The following TUSC3 variants were observed in gnomAD, a reference collection of about 807,000 sequenced individuals.
TUSC3 encodes the protein dolichyl-diphosphooligosaccharide--protein glycosyltransferase subunit TUSC3.
In TUSC3, 45 loss-of-function variants were observed where a neutral mutation model predicts 44.8. The observed-to-expected ratio is 1.00, with a 90% CI of 0.79 to 1.29. The LOEUF is 1.29. Ranked by LOEUF, TUSC3 falls within the 50% of genes most tolerant of loss-of-function variation. The probability of loss-of-function intolerance (pLI) is 0.00; values close to 1 mark genes in which losing one functional copy is unlikely to be tolerated. For missense variants in TUSC3, 519 were observed against 437.9 expected (o/e 1.19, Z -1.65); for synonymous variants, 212 against 152.9 (o/e 1.39, Z -2.85).
chr8:15,720,392 C>T (rs1425430663), intron 6 of TUSC3, among the ~76,000 whole-genome samples: 1 of 152,006 alleles, frequency 6.6e-6, no homozygotes, highest in South Asian at 2.1e-4. Context: ...ACCAGTAACA[C>T]TCATTATTAG....
At chr8:15,448,226 C>G (rs1800137239) in intron 1 of TUSC3, among the ~76,000 whole-genome samples, 1 of 151,334 alleles carries the variant, frequency 6.6e-6, no homozygotes, top group Non-Finnish European at 1.5e-5. Flanking sequence ...TCAAGCAATT[C>G]TCATGCCTCA....
intron 1 of TUSC3, among the ~76,000 whole-genome samples, chr8:15,423,868 A>G (rs750130613): frequency 1.3e-5 from 2 of 150,506 alleles, no homozygotes; most frequent in Non-Finnish European, 2.9e-5. Flanking sequence ...TTCTCTATTG[A>G]GAGAAGGCGG....
At chr8:15,758,184 C>A (rs1157491231) in intron 10 of TUSC3, 2 of 1,035,566 alleles carry the variant, frequency 1.9e-6, no homozygotes, top group Non-Finnish European at 2.3e-6. Flanking sequence ...ATATTTCATT[C>A]TATCTAGGAA....
At chr8:15,706,549 G>C (rs953472640) in intron 6 of TUSC3, among the ~76,000 whole-genome samples, 2 of 152,016 alleles carry the variant, frequency 1.3e-5, no homozygotes, top group African/African-American at 4.8e-5. Context: ...GGTTTGAAGT[G>C]TTAATAGAAG....
chr8:15,735,958 G>A (rs189435948), intron 7 of TUSC3, among the ~76,000 whole-genome samples: 1 of 150,772 alleles, frequency 6.6e-6, no homozygotes, highest in East Asian at 2.0e-4. Context: ...TCGATCTCCT[G>A]ACCTCGTGAT....
At chr8:15,523,998 G>C (rs1006403024) in intron 2 of TUSC3, among the ~76,000 whole-genome samples, 5 of 149,846 alleles carry the variant, frequency 3.3e-5, no homozygotes, top group Admixed American at 6.7e-5. Flanking sequence ...GCAGGTTGCA[G>C]TGACCTGAGA....
chr8:15,678,393 T>A (rs1367913640), intron 6 of TUSC3, among the ~76,000 whole-genome samples: 1 of 152,088 alleles, frequency 6.6e-6, no homozygotes, highest in Non-Finnish European at 1.5e-5. Context: ...TATATCAGTT[T>A]ATTTTTTTTT....
chr8:15,747,630 AT>A (rs2129217180), intron 8 of TUSC3, among the ~76,000 whole-genome samples: 1 of 152,210 alleles, frequency 6.6e-6, no homozygotes, highest in South Asian at 2.1e-4. Context: ...AATCTTCTCA[AT>A]CATACTAAAA....
At chr8:15,826,437 T>C in the TUSC3 span, among the ~76,000 whole-genome samples, 1 of 152,182 alleles carries the variant, frequency 6.6e-6, no homozygotes, top group Non-Finnish European at 1.5e-5. Flanking sequence ...AAAAATAAGA[T>C]TCTTCTGGTT....
intron 9 of TUSC3, chr8:15,748,947 ATC>A (rs1358640120): frequency 1.1e-5 from 4 of 352,748 alleles, no homozygotes; most frequent in African/African-American, 2.1e-5. Context: ...CATAACGAGT[ATC>A]TCATAAGATT....
intron 2 of TUSC3, among the ~76,000 whole-genome samples, chr8:15,518,401 ATAG>A (rs1033429427): frequency 1.4e-4 from 21 of 152,230 alleles, no homozygotes; most frequent in African/African-American, 3.6e-4. Context: ...AAATAGAAAA[ATAG>A]TAGGAAAAAT....
rs537261045 is a variant in TUSC3 at position 15,531,107 on chromosome 8, A to G, written n.189+47624A>G. Among the ~76,000 whole-genome samples the G allele has an allele frequency of 5.3e-4, 81 of 152,266 alleles. 1 individual carries two copies. The highest frequency in any genetic ancestry group is 6.8e-3 in the Middle Eastern group (2 of 294). Reference sequence around the variant, plus strand: ...GCTGTGCATGCGGGCAGCTTACCCTAAGGGAAGAATCAAGGGAAAGGAGCT... The same window carrying G: ...GCTGTGCATGCGGGCAGCTTACCCTGAGGGAAGAATCAAGGGAAAGGAGCT... On this transcript the variant is annotated intron_variant and non_coding_transcript_variant, in intron 2 of 5. Transcript: ENST00000503191.
chr8:15,837,547 T>G, the TUSC3 span, among the ~76,000 whole-genome samples: 3 of 152,122 alleles, frequency 2.0e-5, no homozygotes, highest in African/African-American at 7.2e-5. Context: ...TTAGCAATAT[T>G]AATCATCATT....
intron 1 of TUSC3, among the ~76,000 whole-genome samples, chr8:15,579,232 G>A (rs1449060244): frequency 2.1e-5 from 3 of 142,218 alleles, no homozygotes; most frequent in Non-Finnish European, 4.7e-5. Context: ...TCTTGCTAGT[G>A]GTCTATCAAT....
intron 4 of TUSC3, 139 bp downstream of exon 4, chr8:15,659,786 C>A (rs1807337727): frequency 9.1e-7 from 1 of 1,098,240 alleles, no homozygotes; most frequent in Non-Finnish European, 1.3e-6. Flanking sequence ...TCGATTACTG[C>A]AAATGATAAG....
chr8:15,798,491 C>T, the TUSC3 span, among the ~76,000 whole-genome samples: 13 of 152,056 alleles, frequency 8.5e-5, no homozygotes, highest in African/African-American at 1.9e-4. Context: ...TCGCTGAGAT[C>T]GGGGTAGAGA....
chr8:15,615,528 G>A (rs1311766158), intron 1 of TUSC3, among the ~76,000 whole-genome samples: 3 of 152,120 alleles, frequency 2.0e-5, no homozygotes, highest in Non-Finnish European at 4.4e-5. Flanking sequence ...ACAGATAAGA[G>A]TAATAAGTTC....
chr8:15,493,421 C>A (rs1351867179), intron 2 of TUSC3, among the ~76,000 whole-genome samples: 1 of 151,998 alleles, frequency 6.6e-6, no homozygotes, highest in Non-Finnish European at 1.5e-5. Context: ...CCCCATCATG[C>A]CTGGCTACTT....
At chr8:15,760,471 G>T (rs1812125708) in intron 10 of TUSC3, among the ~76,000 whole-genome samples, 1 of 152,010 alleles carries the variant, frequency 6.6e-6, no homozygotes, top group Admixed American at 6.6e-5. Context: ...GCTTTTTATG[G>T]TGTATCTTTC....
Sources: allele counts gnomAD v4.1 joint callset (sites outside exome capture counted in the v4.1 genomes callset), GRCh38; gene constraint gnomAD v4.1.1; transcripts MANE v1.5; gene names NCBI Gene and HGNC (gene_info 2026-07-23, HGNC 2026-07-21).